Variants in CNGB3 observed in about 807,000 individuals in gnomAD.
The protein encoded by CNGB3 is cyclic nucleotide gated channel subunit beta 3, also known as cyclic nucleotide-gated channel beta-3.
A neutral mutation model predicts 92.8 loss-of-function variants in CNGB3; 86 were observed. The observed-to-expected ratio is 0.93, with a 90% CI of 0.78 to 1.11. The LOEUF (loss-of-function observed/expected upper bound fraction) is 1.11. Among genes scored for constraint, CNGB3 ranks in the 50% least tolerant of loss-of-function variants. The pLI is 0.00. For synonymous variants in CNGB3, 333 were observed against 332.7 expected, an observed-to-expected ratio of 1.00 and a Z score of -0.01; for missense variants, 1,026 against 956.8, an observed-to-expected ratio of 1.07 and a Z score of -0.95.
chr8:86,729,548 A>G (rs769192991), intron 2 of CNGB3, among the ~76,000 whole-genome samples: 13 of 152,258 alleles, frequency 8.5e-5, no homozygotes, highest in Non-Finnish European at 1.8e-4. Context: ...ACATTTAATT[A>G]CAAAATAAAT....
intron 3 of CNGB3, among the ~76,000 whole-genome samples, chr8:86,694,148 G>A (rs1178717465): frequency 2.0e-4 from 26 of 129,704 alleles, no homozygotes; most frequent in African/African-American, 5.7e-4. Flanking sequence ...CCTCCCTCCT[G>A]GACGGGGCGG....
At chr8:86,659,662 C>A (rs1158714831) in intron 6 of CNGB3, 2 of 458,796 alleles carry the variant, frequency 4.4e-6, no homozygotes, top group East Asian at 5.5e-5. Flanking sequence ...CTTTGACTCT[C>A]CTTCAAACTG....
At chr8:86,694,534 C>T (rs1824405542) in intron 3 of CNGB3, among the ~76,000 whole-genome samples, 1 of 151,812 alleles carries the variant, frequency 6.6e-6, no homozygotes, top group Non-Finnish European at 1.5e-5. Flanking sequence ...GGACTCCTCA[C>T]TTCTCAGACG....
intron 6 of CNGB3, chr8:86,659,064 G>T (rs1174771013): frequency 4.6e-6 from 4 of 875,538 alleles, no homozygotes; most frequent in Non-Finnish European, 5.5e-6. Flanking sequence ...AGAGGGCCCT[G>T]CTGGGGGCTC....
chr8:86,591,063 T>G (rs1176268394), intron 15 of CNGB3, among the ~76,000 whole-genome samples: 1 of 152,136 alleles, frequency 6.6e-6, no homozygotes, highest in Non-Finnish European at 1.5e-5. Context: ...TTCTCTAAAC[T>G]TTCCTTCTTG....
intron 13 of CNGB3, among the ~76,000 whole-genome samples, chr8:86,621,949 G>C (rs1017828599): frequency 6.6e-6 from 1 of 152,106 alleles, no homozygotes; most frequent in African/African-American, 2.4e-5. Context: ...AGGAGGCTGA[G>C]GCAGGAGAAT....
At chr8:86,594,309 A>C in intron 15 of CNGB3, 1 of 298,966 alleles carries the variant, frequency 3.3e-6, no homozygotes. Context: ...GAGTGGGAGA[A>C]GTCTACACCT....
chr8:86,611,558 T>C (rs1488664901), intron 14 of CNGB3, 30 bp downstream of exon 14: 1 of 1,521,434 alleles, frequency 6.6e-7, no homozygotes, highest in East Asian at 2.3e-5. Flanking sequence ...CATTTATTAG[T>C]TGTGCATTTG....
chr8:86,583,120 C>T (rs188182823), intron 15 of CNGB3, among the ~76,000 whole-genome samples: 6 of 152,076 alleles, frequency 3.9e-5, no homozygotes, highest in East Asian at 1.9e-4. Flanking sequence ...AGGCTGGTCT[C>T]GAACTCTTGA....
chr8:86,640,610 A>G (rs1823163892), intron 10 of CNGB3, among the ~76,000 whole-genome samples: 1 of 152,046 alleles, frequency 6.6e-6, no homozygotes, highest in Non-Finnish European at 1.5e-5. Flanking sequence ...TGCTCAGCTC[A>G]TCAGAACACT....
chr8:86,627,935 A>C (rs1822880619), intron 12 of CNGB3, among the ~76,000 whole-genome samples: 2 of 152,230 alleles, frequency 1.3e-5, no homozygotes, highest in Non-Finnish European at 2.9e-5. Flanking sequence ...CCTACTCGAC[A>C]GTGAAGATGA....
At chr8:86,660,611 C>G in intron 6 of CNGB3, 2 of 534,042 alleles carry the variant, frequency 3.7e-6, no homozygotes, top group South Asian at 2.8e-5. Flanking sequence ...AAACTGCACT[C>G]TGGCTTTGCC....
chr8:86,612,042 G>A (rs1822531878), intron 13 of CNGB3, among the ~76,000 whole-genome samples: 1 of 152,034 alleles, frequency 6.6e-6, no homozygotes, highest in South Asian at 2.1e-4. Flanking sequence ...TAGATTGTTA[G>A]TATATTAGGA....
chr8:86,661,265 G>T (rs1823635014), intron 6 of CNGB3: 2 of 338,524 alleles, frequency 5.9e-6, no homozygotes, highest in Middle Eastern at 4.3e-4. Flanking sequence ...GACTATCAGG[G>T]TCGACCTTCT....
At chr8:86,603,474 C>G (rs1217688917) in intron 15 of CNGB3, among the ~76,000 whole-genome samples, 1 of 152,102 alleles carries the variant, frequency 6.6e-6, no homozygotes, top group South Asian at 2.1e-4. Flanking sequence ...ATAAACTTTT[C>G]CTGGCCAATA....
At chr8:86,727,345 C>T (rs1825078623) in intron 2 of CNGB3, among the ~76,000 whole-genome samples, 1 of 152,052 alleles carries the variant, frequency 6.6e-6, no homozygotes, top group African/African-American at 2.4e-5. Context: ...GAAATTGATA[C>T]ATCATAAAAT....
intron 3 of CNGB3, among the ~76,000 whole-genome samples, chr8:86,690,410 T>C (rs1824288317): frequency 6.6e-6 from 1 of 152,174 alleles, no homozygotes; most frequent in Non-Finnish European, 1.5e-5. Flanking sequence ...GATGGGGTTG[T>C]TTTTTTCTTG....
intron 13 of CNGB3, among the ~76,000 whole-genome samples, chr8:86,619,754 G>A (rs1353402113): frequency 2.0e-5 from 1 of 49,750 alleles, no homozygotes; most frequent in Non-Finnish European, 3.5e-5. Context: ...TTTTTTTTGC[G>A]ACAGGGTCTT....
intron 3 of CNGB3, among the ~76,000 whole-genome samples, chr8:86,692,696 T>A (rs916572283): frequency 8.5e-5 from 13 of 152,204 alleles, no homozygotes; most frequent in Admixed American, 3.9e-4. Flanking sequence ...TCTGTATCTT[T>A]TAAGCGGAGC....
Sources: allele counts gnomAD v4.1 joint callset (sites outside exome capture counted in the v4.1 genomes callset), GRCh38; gene constraint gnomAD v4.1.1; transcripts MANE v1.5; gene names NCBI Gene and HGNC (gene_info 2026-07-23, HGNC 2026-07-21).